The following TJP1 variants were observed in gnomAD, a reference collection of about 807,000 sequenced individuals.
TJP1 encodes tight junction protein 1, also known as tight junction protein ZO-1.
Under a neutral mutation model 194.2 loss-of-function variants are expected in TJP1, and 43 were observed. That is an observed-to-expected ratio of 0.22 (90% CI 0.17 to 0.29). TJP1 has a LOEUF of 0.29. TJP1 is among the 10% of genes least tolerant of loss of function. TJP1 has a pLI of 1.00. For synonymous variants in TJP1, 801 were observed against 779.0 expected, an observed-to-expected ratio of 1.03 and a Z score of -0.47; for missense variants, 1,971 against 2,185.7, an observed-to-expected ratio of 0.90 and a Z score of 1.96.
At chr15:29,716,933 A>G (rs1219395474) in intron 22 of TJP1, 95 bp from the exon 23 acceptor site, 1 of 1,046,730 alleles carries the variant, frequency 9.6e-7, no homozygotes, top group Non-Finnish European at 1.4e-6. Context: ...TAAAAGGTCA[A>G]TAATTACTAA....
chr15:29,950,076 C>T (rs1567227611), intron 2 of TJP1, among the ~76,000 whole-genome samples: 1 of 51,840 alleles, frequency 1.9e-5, no homozygotes. Flanking sequence ...ACCACCTCCA[C>T]CACCACCATC....
At chr15:29,795,643 C>T (rs969081742) in intron 2 of TJP1, among the ~76,000 whole-genome samples, 1 of 151,948 alleles carries the variant, frequency 6.6e-6, no homozygotes, top group African/African-American at 2.4e-5. Context: ...CCAGAAACCA[C>T]AAAAGGAAGG....
intron 2 of TJP1, among the ~76,000 whole-genome samples, chr15:29,928,526 T>C (rs930133215): frequency 2.6e-5 from 4 of 152,210 alleles, no homozygotes; most frequent in Non-Finnish European, 5.9e-5. Flanking sequence ...GGCAAGGTTA[T>C]ACATCCAACA....
intron 2 of TJP1, among the ~76,000 whole-genome samples, chr15:29,953,140 A>ATTTT (rs71416442): frequency 1.3e-4 from 14 of 110,992 alleles, no homozygotes; most frequent in East Asian, 3.8e-4. Flanking sequence ...AAGAAGACAG[A>ATTTT]TTTTTTTTTT....
chr15:29,881,325 C>T (rs894406262), intron 2 of TJP1, among the ~76,000 whole-genome samples: 3 of 152,222 alleles, frequency 2.0e-5, no homozygotes, highest in African/African-American at 4.8e-5. Context: ...TGTAGGAATT[C>T]GTTATATATT....
chr15:29,890,415 C>A (rs1046606669), intron 2 of TJP1, among the ~76,000 whole-genome samples: 2 of 152,172 alleles, frequency 1.3e-5, no homozygotes, highest in Non-Finnish European at 2.9e-5. Context: ...AGCATTTCAA[C>A]AACTTCAAGG....
chr15:29,726,731 T>C (rs2043261195), intron 17 of TJP1, 50 bp downstream of exon 17: 1 of 1,556,734 alleles, frequency 6.4e-7, no homozygotes, highest in African/African-American at 1.4e-5. Context: ...GCCTACTTAA[T>C]GTTGCCCAGA....
intron 16 of TJP1, among the ~76,000 whole-genome samples, chr15:29,727,206 T>C (rs1198175143): frequency 2.0e-5 from 3 of 152,052 alleles, no homozygotes; most frequent in African/African-American, 7.2e-5. Context: ...TAGCCAGGCA[T>C]GGTGGTGCAC....
intron 2 of TJP1, among the ~76,000 whole-genome samples, chr15:29,828,577 C>G (rs188419602): frequency 1.3e-5 from 2 of 152,264 alleles, no homozygotes; most frequent in Non-Finnish European, 2.9e-5. Flanking sequence ...TCCTCTCCCC[C>G]CATATGAACA....
chr15:29,711,075 G>T, intron 23 of TJP1, 75 bp from the exon 24 acceptor site: 2 of 1,431,064 alleles, frequency 1.4e-6, no homozygotes, highest in Non-Finnish European at 1.9e-6. Flanking sequence ...ATTTCTCCAT[G>T]TATCTCTAAG....
intron 2 of TJP1, among the ~76,000 whole-genome samples, chr15:29,936,792 A>G (rs1447073069): frequency 1.3e-5 from 2 of 152,206 alleles, no homozygotes; most frequent in Non-Finnish European, 2.9e-5. Flanking sequence ...TATTGCTTAC[A>G]GACCGCTCTA....
intron 2 of TJP1, among the ~76,000 whole-genome samples, chr15:29,881,312 A>G (rs976726640): frequency 2.0e-5 from 3 of 151,984 alleles, no homozygotes; most frequent in African/African-American, 7.3e-5. Flanking sequence ...TTTCCTATTG[A>G]GTTGTAGGAA....
chr15:29,950,256 C>T (rs1190062211), intron 2 of TJP1, among the ~76,000 whole-genome samples: 1 of 149,996 alleles, frequency 6.7e-6, no homozygotes, highest in Non-Finnish European at 1.5e-5. Flanking sequence ...TTCACTACCA[C>T]CTCTATGACC....
intron 2 of TJP1, among the ~76,000 whole-genome samples, chr15:29,847,655 C>T (rs1012771046): frequency 1.3e-5 from 2 of 151,880 alleles, no homozygotes; most frequent in Non-Finnish European, 2.9e-5. Flanking sequence ...CGAGGTGGTG[C>T]GTGCCTGTAG....
chr15:29,840,462 A>G (rs1337534579), intron 2 of TJP1, among the ~76,000 whole-genome samples: 1 of 152,204 alleles, frequency 6.6e-6, no homozygotes, highest in Non-Finnish European at 1.5e-5. Flanking sequence ...GTAGGTGAGG[A>G]TAGACGAAGG....
intron 2 of TJP1, among the ~76,000 whole-genome samples, chr15:29,847,739 C>G (rs1029765155): frequency 6.6e-6 from 1 of 151,972 alleles, no homozygotes; most frequent in Non-Finnish European, 1.5e-5. Flanking sequence ...GAGCAGAGAT[C>G]GCGCTACTGC....
intron 2 of TJP1, among the ~76,000 whole-genome samples, chr15:29,848,402 T>C (rs1224011906): frequency 6.6e-6 from 1 of 152,212 alleles, no homozygotes; most frequent in Non-Finnish European, 1.5e-5. Context: ...GTTTGGTGCA[T>C]ATGAACATTT....
intron 19 of TJP1, 112 bp from the exon 20 acceptor site, chr15:29,720,128 T>C: frequency 3.6e-6 from 5 of 1,402,630 alleles, no homozygotes; most frequent in Non-Finnish European, 4.8e-6. Context: ...AATAACAAAA[T>C]TATGACCTCA....
chr15:29,950,138 A>T (rs202047481), intron 2 of TJP1, among the ~76,000 whole-genome samples: 16 of 44,318 alleles, frequency 3.6e-4, no homozygotes, highest in African/African-American at 1.3e-3. Flanking sequence ...CTCCACCACC[A>T]CCACAACCAC....
Sources: allele counts gnomAD v4.1 joint callset (sites outside exome capture counted in the v4.1 genomes callset), GRCh38; gene constraint gnomAD v4.1.1; transcripts MANE v1.5; gene names NCBI Gene and HGNC (gene_info 2026-07-23, HGNC 2026-07-21).